ISL2: variants seen among roughly 807,000 people sequenced by gnomAD.
The protein encoded by ISL2 is insulin gene enhancer protein ISL-2.
In ISL2, 17 loss-of-function variants were observed where a neutral mutation model predicts 34.6. The observed-to-expected ratio is 0.49, with a 90% CI of 0.34 to 0.74. ISL2 has a LOEUF of 0.74. ISL2 is among the 30% of genes least tolerant of loss of function. ISL2 has a pLI of 0.01. For missense variants in ISL2, 469 were observed against 515.2 expected (o/e 0.91, Z 0.87); for synonymous variants, 232 against 225.5 (o/e 1.03, Z -0.26).
In ISL2 at chr15:76,341,759, G is replaced by T; in HGVS notation, c.1004G>T (p.Gly335Val). ...SESGSLGNSS[G>V]SDVTSLSSQL... ...TCCGGCTCCCTAGGCAACTCCTCCG[G>T]CAGCGACGTGACCTCCCTGTCCTCG... The change falls in exon 6 of 6, where the codon GGC becomes GTC. Residue 335 changes from glycine to valine, a missense_variant. By Grantham distance (109) the Gly-to-Val change is moderately radical. Coordinates refer to ENST00000290759, the MANE Select transcript of ISL2 (RefSeq NM_145805.3). 6.2e-7 allele frequency: 1 copy of T among 1,613,988 alleles called. No individual in the cohort carries two copies. Among genetic ancestry groups the T allele is most frequent in the South Asian group, 1.1e-5 (1 of 91,072 alleles).
intron 3 of ISL2, 40 bp downstream of exon 3, chr15:76,338,554 A>G (rs2040170175): frequency 1.6e-6 from 2 of 1,286,766 alleles, no homozygotes; most frequent in Non-Finnish European, 9.8e-7. Flanking sequence ...AGCGGGGTGT[A>G]TGTGCGTGCG....
In ISL2 at chr15:76,341,283, A is replaced by T; in HGVS notation, c.945A>T (p.Gln315His). 3 of 1,602,964 alleles carry T rather than the reference A, an allele frequency of 1.9e-6. No homozygotes were observed. Among genetic ancestry groups the T allele is most frequent in the Non-Finnish European group, 2.6e-6 (3 of 1,175,158 alleles). ...TTGCCCTCCAGAGCGACCTGGACCA[A>T]CCCGCCTTCCAACAGCTGGTGAGGC... ...SEFALQSDLD[Q>H]PAFQQLVSFS... The change falls in exon 5 of 6, where the codon CAA (glutamine) becomes CAT (histidine). Residue 315 changes from glutamine (Q) to histidine (H), a missense_variant. By Grantham distance (24) the Gln-to-His change is conservative. This residue lies in a region of ISL2 where 169 missense variants were observed against 154.2 expected (regional missense o/e 1.10). Coordinates refer to ENST00000290759, the MANE Select transcript of ISL2 (RefSeq NM_145805.3).
At position 76,340,386 on chromosome 15, in the gene ISL2, A is replaced by G. The variant is rs1332826545; in HGVS notation, c.622A>G (p.Thr208Ala). The change falls in exon 4 of 6, where the codon ACC becomes GCC. Residue 208 changes from threonine (T) to alanine (A), a missense_variant. Thr to Ala is a moderately conservative substitution (Grantham distance 58, BLOSUM62 0). Coordinates refer to ENST00000290759, the MANE Select transcript of ISL2 (RefSeq NM_145805.3). The part of the protein sequence containing the change: ...LNEKQLHTLR[T>A]CYAANPRPDA... ...CGAGAAGCAGCTGCACACTCTGCGG[A>G]CCTGCTACGCCGCCAACCCGCGGCC... 6.2e-7 allele frequency: 1 copy of G among 1,613,482 alleles called. No individual in the cohort carries two copies. The highest frequency in any genetic ancestry group is 1.7e-5 in the Admixed American group (1 of 60,008).
chr15:76,338,608 T>C, intron 3 of ISL2, 94 bp downstream of exon 3: 2 of 1,245,670 alleles, frequency 1.6e-6, no homozygotes, highest in East Asian at 3.4e-5. Flanking sequence ...AAGTTGTCAG[T>C]TGTGTGTGGT....
In ISL2 at chr15:76,338,064, G is replaced by T. The variant is rs1266373592; in HGVS notation, c.248+97G>T. On this transcript the variant is annotated intron_variant, in intron 2 of 5. Transcript: ENST00000290759. Reference sequence around the variant, plus strand: ...GCCCGCGCGCCCCGGCCCTGCCCAGGGAGAAGGCCATCCGCATCCCGCACG... The same window carrying T: ...GCCCGCGCGCCCCGGCCCTGCCCAGTGAGAAGGCCATCCGCATCCCGCACG... 2.3e-6 allele frequency: 3 copies of T among 1,319,888 alleles called. No homozygotes were observed. In the African/African-American group the frequency reaches 4.7e-5, roughly 21 times the overall value. 81.8% of individuals were successfully genotyped at this position (1,319,888 alleles called of 1,614,324 possible).
rs116816079 is a variant in ISL2, at chr15:76,337,746, G to A, written c.59-32G>A. The A allele has an allele frequency of 8.6e-4, 1,320 of 1,529,702 alleles. 18 individuals carry two copies. The African/African-American group carries it at 0.016, about 19-fold the overall frequency. The allele number at this position is 1,529,702 out of a possible 1,614,324, so 94.8% of individuals were successfully genotyped here. A position where few individuals can be genotyped will look rare whatever the true frequency, so the allele number is the denominator to read the frequency against. On this transcript the variant is annotated intron_variant, in intron 1 of 5. Transcript: ENST00000290759. Reference sequence around the variant, plus strand: ...GGCCGGCCTGGGTCCGGGCAGTCAGGCCTGACGCGGCCCCGCGCCCTTCCC... The same window carrying A: ...GGCCGGCCTGGGTCCGGGCAGTCAGACCTGACGCGGCCCCGCGCCCTTCCC...
In ISL2 at chr15:76,337,817, A is replaced by C; in HGVS notation, c.98A>C (p.Gln33Pro). 3.7e-6 allele frequency: 6 copies of C among 1,609,924 alleles called. No homozygotes were observed. In the South Asian group the frequency reaches 4.4e-5, roughly 12 times the overall value. The change falls in exon 2 of 6, where the codon CAG (glutamine) becomes CCG (proline). Residue 33 changes from glutamine to proline, a missense_variant. Gln to Pro is a moderately conservative substitution (Grantham distance 76). Around this residue, in one of 3 missense-constraint regions of ISL2, gnomAD observed 297 missense variants for 337.8 expected, o/e 0.88. Transcript: ENST00000290759. ...GCCATGTGCGTGGGCTGCGGGAGTC[A>C]GATCCACGACCAGTTTATCCTGCGG... Reference protein sequence around the residue: ...GTAMCVGCGSQIHDQFILRVS... With the variant: ...GTAMCVGCGSPIHDQFILRVS...
intron 3 of ISL2, chr15:76,339,717 C>T: frequency 2.0e-6 from 2 of 985,830 alleles, no homozygotes; most frequent in Non-Finnish European, 2.4e-6. Context: ...CCTGGAGGCC[C>T]GTCCATAACC....
At position 76,341,799 on chromosome 15, in the gene ISL2, C is replaced by A. The variant is rs758182406; in HGVS notation, c.1044C>A (p.Thr348=). Residue 348 remains threonine (T), a synonymous_variant, in exon 6 of 6, where the codon ACC becomes ACA. Coordinates refer to ENST00000290759, the MANE Select transcript of ISL2 (RefSeq NM_145805.3). ...VTSLSSQLPD[T]PNSMVPSPVE... The stretch of plus-strand genomic sequence containing the variant: ...CCCTGTCCTCGCAGCTCCCGGACAC[C>A]CCCAACAGTATGGTGCCGAGTCCCG... 1.9e-6 allele frequency: 3 copies of A among 1,613,676 alleles called. No homozygotes were observed. In the African/African-American group the frequency reaches 4.0e-5, roughly 22 times the overall value.
Position 76,341,745 on chromosome 15 carries a change from A to G in ISL2, c.990A>G (p.Leu330=). 1 of 1,613,666 alleles carries G rather than the reference A, an allele frequency of 6.2e-7. No individual in the cohort carries two copies. Among genetic ancestry groups the G allele is most frequent in the Non-Finnish European group, 8.5e-7 (1 of 1,179,850 alleles). The change falls in exon 6 of 6, where the codon CTA becomes CTG. Residue 330 remains leucine, a synonymous_variant. Transcript: ENST00000290759. ...TCTCCTTCTCCGAGTCCGGCTCCCTAGGCAACTCCTCCGGCAGCGACGTGA... is the reference window on the plus strand; with the variant it reads ...TCTCCTTCTCCGAGTCCGGCTCCCTGGGCAACTCCTCCGGCAGCGACGTGA... The part of the protein sequence containing the change: ...QLVSFSESGS[L]GNSSGSDVTS...
Position 76,339,886 on chromosome 15 carries a change from T to A in ISL2, c.512-390T>A, listed in dbSNP as rs1375911944. On this transcript the variant is annotated intron_variant, in intron 3 of 5. Coordinates refer to ENST00000290759, the MANE Select transcript of ISL2 (RefSeq NM_145805.3). ...CGTCGGTCCCTTTCCCTCTCCAGAG[T>A]CCTGGGCAAGCCTCTTTCCTCTTCC... The A allele has an allele frequency of 3.8e-6, 4 of 1,041,836 alleles. No homozygotes were observed. In the East Asian group the frequency reaches 3.4e-4, roughly 89 times the overall value. The allele number at this position is 1,041,836 out of a possible 1,614,324, so 64.5% of individuals were successfully genotyped here. A position where few individuals can be genotyped will look rare whatever the true frequency, so the allele number is the denominator to read the frequency against.
rs1184417538 is a variant in ISL2, at chr15:76,341,193, C to T, written c.855C>T (p.Asn285=). 5 of 1,612,876 alleles carry T rather than the reference C, an allele frequency of 3.1e-6. No individual in the cohort carries two copies. The highest frequency in any genetic ancestry group is 3.3e-5 in the Admixed American group (2 of 59,990). Residue 285 remains asparagine, a synonymous_variant, in exon 5 of 6, where the codon AAC becomes AAT. Coordinates refer to ENST00000290759, the MANE Select transcript of ISL2 (RefSeq NM_145805.3). ...CGGGCAGTCCCATCCGCCATGAGAACGCCGTGCAGGGCAGCGCAGTGGAGG... is the reference window on the plus strand; with the variant it reads ...CGGGCAGTCCCATCCGCCATGAGAATGCCGTGCAGGGCAGCGCAGTGGAGG... The part of the protein sequence containing the change: ...LVAGSPIRHE[N]AVQGSAVEVQ...
chr15:76,341,405 T>C (rs1021089359), intron 5 of ISL2, 104 bp downstream of exon 5: 6 of 482,576 alleles, frequency 1.2e-5, no homozygotes, highest in African/African-American at 2.6e-5. Flanking sequence ...GCTGAGGGGC[T>C]GGGTACAGCC....
chr15:76,340,697 C>A, intron 4 of ISL2, 138 bp downstream of exon 4: 1 of 737,274 alleles, frequency 1.4e-6, no homozygotes, highest in Non-Finnish European at 2.2e-6. Context: ...TCTGTACCTT[C>A]ACAGCAAGGC....
At chr15:76,337,504 T>C in intron 1 of ISL2, 1 of 448,698 alleles carries the variant, frequency 2.2e-6, no homozygotes, top group Non-Finnish European at 3.9e-6. Flanking sequence ...TTGCGTTTAG[T>C]TTCAAGACAC....
Position 76,336,952 on chromosome 15 carries a change from C to CTG in ISL2, c.58+22_58+23dup, listed in dbSNP as rs752275498. The CTG allele has an allele frequency of 1.1e-4, 180 of 1,605,320 alleles. No individual in the cohort carries two copies. The highest frequency in any genetic ancestry group is 1.4e-4 in the Non-Finnish European group (168 of 1,172,484). On this transcript the variant is annotated intron_variant, in intron 1 of 5. Coordinates refer to ENST00000290759, the MANE Select transcript of ISL2 (RefSeq NM_145805.3). The stretch of plus-strand genomic sequence containing the variant: ...GTGATCATTCCAAGAGTAAGTATTT[C>CTG]TGTGTGTGTGTGGGGTGGGGTGTGT...
intron 3 of ISL2, 48 bp from the exon 4 acceptor site, chr15:76,340,228 G>A (rs534641349): frequency 6.7e-6 from 10 of 1,490,736 alleles, no homozygotes; most frequent in African/African-American, 1.4e-5. Flanking sequence ...CTCGGGGCGG[G>A]TGGGTGGCGG....
In ISL2 at chr15:76,340,371, C is replaced by G. The variant is rs767122740; in HGVS notation, c.607C>G (p.Leu203Val). 1 of 1,613,418 alleles carries G rather than the reference C, an allele frequency of 6.2e-7. No individual in the cohort carries two copies. Among genetic ancestry groups the G allele is most frequent in the African/African-American group, 1.3e-5 (1 of 74,936 alleles). ...GCGGACTGTGCTGAACGAGAAGCAG[C>G]TGCACACTCTGCGGACCTGCTACGC... ...RVRTVLNEKQ[L>V]HTLRTCYAAN... The change falls in exon 4 of 6, where the codon CTG becomes GTG. Residue 203 changes from leucine to valine, a missense_variant. This residue lies in a region of ISL2 where 297 missense variants were observed against 337.8 expected (regional missense o/e 0.88). Transcript: ENST00000290759.
rs369075705 is a variant in ISL2 at position 76,341,126 on chromosome 15, C to T, written c.796-8C>T. The stretch of plus-strand genomic sequence containing the variant: ...TCGAGCACCTACTGCCTTCTGCTTG[C>T]CCCGCAGAGCCTTCAGGGACTGACT... On this transcript the variant is annotated splice_region_variant and splice_polypyrimidine_tract_variant and intron_variant, in intron 4 of 5. Coordinates refer to ENST00000290759, the MANE Select transcript of ISL2 (RefSeq NM_145805.3). 1.3e-6 allele frequency: 2 copies of T among 1,556,928 alleles called. No homozygotes were observed. Among genetic ancestry groups the T allele is most frequent in the Non-Finnish European group, 1.7e-6 (2 of 1,151,552 alleles).
Sources: gnomAD v4.1 joint callset for allele counts on GRCh38, gnomAD v4.1.1 for gene constraint, gnomAD v4.1.1 regional missense constraint, MANE v1.5 for transcripts, NCBI Gene and HGNC (gene_info 2026-07-23, HGNC 2026-07-21) for gene names.